Variants in NTRK3 observed in about 807,000 individuals in gnomAD.
NTRK3 encodes the protein neurotrophic receptor tyrosine kinase 3.
A neutral mutation model predicts 91.7 loss-of-function variants in NTRK3; 24 were observed. The observed-to-expected ratio is 0.26, with a 90% CI of 0.19 to 0.37. The LOEUF is 0.37. Among genes scored for constraint, NTRK3 ranks in the 10% least tolerant of loss-of-function variants. The probability of loss-of-function intolerance (pLI) is 1.00; values close to 1 mark genes in which losing one functional copy is unlikely to be tolerated. For synonymous variants in NTRK3, 483 were observed against 404.0 expected (o/e 1.20, Z -2.34); for missense variants, 880 against 1,068.9 (o/e 0.82, Z 2.46).
chr15:87,935,996 T>C lies in NTRK3; in HGVS notation c.1717-2812A>G, dbSNP rs149835059. Among the ~76,000 whole-genome samples the C allele has an allele frequency of 2.7e-3, 408 of 152,282 alleles. 2 individuals are homozygous for C. Among genetic ancestry groups the C allele is most frequent in the African/African-American group, 9.3e-3 (386 of 41,548 alleles). ...GGCAACTAGGGTTGGGAGCTGCCAGTGGCCCTGTCCCCAGGGACTGATGCA... is the reference window on the plus strand; with the variant it reads ...GGCAACTAGGGTTGGGAGCTGCCAGCGGCCCTGTCCCCAGGGACTGATGCA... On this transcript the variant is annotated intron_variant, in intron 15 of 18. Coordinates refer to ENST00000394480, the Ensembl canonical transcript of NTRK3.
intron 17 of NTRK3, among the ~76,000 whole-genome samples, chr15:87,912,232 G>A (rs989196119): frequency 1.3e-5 from 2 of 152,122 alleles, no homozygotes; most frequent in Non-Finnish European, 2.9e-5. Flanking sequence ...GCCTTGAATG[G>A]CCTTGCCACA....
intron 17 of NTRK3, chr15:87,916,521 C>A (rs767476342): frequency 5.7e-6 from 4 of 702,224 alleles, no homozygotes; most frequent in South Asian, 3.0e-5. Flanking sequence ...GCATCTTCCC[C>A]GTCTTTTTTC....
chr15:88,116,603 C>A (rs906816352), intron 13 of NTRK3, among the ~76,000 whole-genome samples: 6 of 152,134 alleles, frequency 3.9e-5, no homozygotes, highest in Non-Finnish European at 7.4e-5. Flanking sequence ...TTACCAGTAA[C>A]TTTACCCCTT....
intron 14 of NTRK3, among the ~76,000 whole-genome samples, chr15:88,031,475 C>T (rs1365025622): frequency 6.6e-6 from 1 of 152,172 alleles, no homozygotes; most frequent in African/African-American, 2.4e-5. Flanking sequence ...GAAATTTAGC[C>T]AGAAGTGAAC....
At chr15:88,206,707 T>C (rs1403985976) in intron 3 of NTRK3, among the ~76,000 whole-genome samples, 6 of 148,892 alleles carry the variant, frequency 4.0e-5, no homozygotes, top group Non-Finnish European at 8.9e-5. Flanking sequence ...CAAAGAGTCC[T>C]GGTTCTGAGG....
At chr15:88,018,590 C>A (rs888044011) in intron 14 of NTRK3, among the ~76,000 whole-genome samples, 1 of 152,082 alleles carries the variant, frequency 6.6e-6, no homozygotes, top group African/African-American at 2.4e-5. Flanking sequence ...GAAAGAATGA[C>A]TTCATGAAAA....
intron 14 of NTRK3, among the ~76,000 whole-genome samples, chr15:87,982,585 C>T (rs528618896): frequency 9.8e-5 from 15 of 152,320 alleles, no homozygotes; most frequent in African/African-American, 3.1e-4. Context: ...CCCTGAGAAG[C>T]AAGCCAGAGG....
chr15:88,107,007 C>T (rs144526478), intron 13 of NTRK3, among the ~76,000 whole-genome samples: 1 of 151,696 alleles, frequency 6.6e-6, no homozygotes, highest in African/African-American at 2.4e-5. Context: ...GATATATGTG[C>T]ATATGTACAT....
chr15:88,081,802 T>G (rs927311465), intron 13 of NTRK3, among the ~76,000 whole-genome samples: 1 of 152,166 alleles, frequency 6.6e-6, no homozygotes, highest in Non-Finnish European at 1.5e-5. Flanking sequence ...TCCAGGGCCC[T>G]GCCAAACCCT....
At chr15:88,027,672 G>A (rs1298424189) in intron 14 of NTRK3, among the ~76,000 whole-genome samples, 10 of 152,198 alleles carry the variant, frequency 6.6e-5, no homozygotes, top group South Asian at 2.1e-4. Context: ...GTGAGCCACC[G>A]TGCCTGGCCC....
intron 17 of NTRK3, 141 bp from the exon 19 acceptor site, chr15:87,880,569 GGT>G: frequency 9.8e-7 from 1 of 1,016,988 alleles, no homozygotes; most frequent in Non-Finnish European, 1.5e-6. Flanking sequence ...TTCTATCAGA[GGT>G]GTGTGAAGAT....
chr15:88,082,605 T>C (rs925597126), intron 13 of NTRK3, among the ~76,000 whole-genome samples: 2 of 152,240 alleles, frequency 1.3e-5, no homozygotes, highest in African/African-American at 4.8e-5. Context: ...TGGAATCACA[T>C]TGCATGTTCT....
intron 13 of NTRK3, among the ~76,000 whole-genome samples, chr15:88,111,093 T>G (rs995549875): frequency 6.6e-6 from 1 of 152,182 alleles, no homozygotes; most frequent in African/African-American, 2.4e-5. Flanking sequence ...TACAGGAAAT[T>G]CACTGAGATA....
intron 14 of NTRK3, among the ~76,000 whole-genome samples, chr15:88,010,455 G>T (rs1260124658): frequency 6.6e-6 from 1 of 152,058 alleles, no homozygotes; most frequent in African/African-American, 2.4e-5. Context: ...AACAATTTAT[G>T]TAAAATAAAC....
At chr15:88,236,681 A>G (rs1277732664) in intron 3 of NTRK3, among the ~76,000 whole-genome samples, 1 of 145,752 alleles carries the variant, frequency 6.9e-6, no homozygotes, top group Non-Finnish European at 1.5e-5. Flanking sequence ...AAAAAAAACT[A>G]CATATTGGGT....
intron 3 of NTRK3, among the ~76,000 whole-genome samples, chr15:88,197,646 T>A (rs945373931): frequency 3.9e-5 from 6 of 152,226 alleles, no homozygotes; most frequent in South Asian, 2.1e-4. Flanking sequence ...GAGGCTTGAA[T>A]CCAGCTGGAA....
Position 88,255,842 on chromosome 15 carries a change from G to C in NTRK3, c.248+64C>G. The stretch of plus-strand genomic sequence containing the variant: ...GGGCGGAGGGCCGGCTCCCGGCCGC[G>C]GGTGGGCAGGAGGGAGACGCAGAGC... On this transcript the variant is annotated intron_variant, in intron 3 of 18. Coordinates refer to ENST00000394480, the Ensembl canonical transcript of NTRK3. The surrounding 1 kb of genome is among the most constrained non-coding windows in gnomAD (Gnocchi z 4.3). 1.4e-6 allele frequency: 2 copies of C among 1,424,896 alleles called. No individual in the cohort carries two copies. The highest frequency in any genetic ancestry group is 1.9e-6 in the Non-Finnish European group (2 of 1,070,828). 88.3% of individuals were successfully genotyped at this position (1,424,896 alleles called of 1,614,324 possible).
intron 8 of NTRK3, 42 bp from the exon 9 acceptor site, chr15:88,136,082 C>A: frequency 6.2e-7 from 1 of 1,612,376 alleles, no homozygotes; most frequent in Non-Finnish European, 8.5e-7. Flanking sequence ...ATAGCTTCTA[C>A]AAGGATGGCT....
rs555565998 is a variant in NTRK3 at position 88,086,370 on chromosome 15, T to C, written c.1396+39901A>G. On this transcript the variant is annotated intron_variant, in intron 13 of 18. Coordinates refer to ENST00000394480, the Ensembl canonical transcript of NTRK3. ...GAGATGTGCTGTAATTATAAAAACA[T>C]GCTGGATTTCAAGGACCTACCATGA... is the stretch of plus-strand genomic sequence containing the variant. Among the ~76,000 whole-genome samples, 81 of 152,306 alleles carry C rather than the reference T, an allele frequency of 5.3e-4. 1 individual carries two copies. Among genetic ancestry groups the C allele is most frequent in the Admixed American group, 8.5e-4 (13 of 15,298 alleles).
Sources: allele counts gnomAD v4.1 joint callset (sites outside exome capture counted in the v4.1 genomes callset), GRCh38; gene constraint gnomAD v4.1.1; non-coding constraint Gnocchi (gnomAD v3.1); transcripts MANE v1.5; gene names NCBI Gene and HGNC (gene_info 2026-07-23, HGNC 2026-07-21).